Variants in JPH1 observed in about 807,000 individuals in gnomAD.
JPH1 encodes junctophilin-1.
A neutral mutation model predicts 53.6 loss-of-function variants in JPH1; 12 were observed. The ratio of observed to expected loss-of-function variants is 0.22; its 90% CI spans 0.14 to 0.36. The LOEUF is 0.36. Ranked by LOEUF, JPH1 falls within the 10% of genes least tolerant of loss-of-function variation. JPH1 has a pLI of 1.00. For missense variants in JPH1, 808 were observed against 905.5 expected, an observed-to-expected ratio of 0.89 and a Z score of 1.38; for synonymous variants, 375 against 363.8, an observed-to-expected ratio of 1.03 and a Z score of -0.35.
chr8:74,248,710 C>A (rs377091383), intron 3 of JPH1, among the ~76,000 whole-genome samples: 3 of 152,252 alleles, frequency 2.0e-5, no homozygotes, highest in Middle Eastern at 3.4e-3. Flanking sequence ...TAAAACAAGA[C>A]GTTTAATATA....
Position 74,315,655 on chromosome 8 carries a change from G to A in JPH1, c.380-35C>T, listed in dbSNP as rs769479469. ...ACCGCAAGAAAGCACCGTGAGTCGG[G>A]GGCAGAGCTGCACCGTCACCTGCAC... On this transcript the variant is annotated intron_variant, in intron 1 of 5. Transcript: ENST00000342232. This position sits in a 1 kb window ranked among gnomAD's most constrained non-coding sequence, Gnocchi z 6.3. 3 of 1,553,698 alleles carry A rather than the reference G, an allele frequency of 1.9e-6. No individual in the cohort carries two copies. The highest frequency in any genetic ancestry group is 2.6e-6 in the Non-Finnish European group (3 of 1,155,682).
Position 74,321,540 on chromosome 8 carries a change from G to A in JPH1, c.-253C>T, listed in dbSNP as rs920190696. The A allele has an allele frequency of 3.2e-5, 13 of 401,208 alleles. No individual in the cohort carries two copies. The highest frequency in any genetic ancestry group is 4.8e-5 in the Non-Finnish European group (11 of 229,526). The allele number at this position is 401,208 out of a possible 1,614,324, so 24.9% of individuals were successfully genotyped here. ...GCCTGGGCCAGCGCCGCGCGCGAGAGGACAGCCCAGGTTCCCGAGCGGACC... is the reference window on the plus strand; with the variant it reads ...GCCTGGGCCAGCGCCGCGCGCGAGAAGACAGCCCAGGTTCCCGAGCGGACC... On this transcript the variant is annotated 5_prime_UTR_variant, in exon 1 of 6. Coordinates refer to ENST00000342232, the MANE Select transcript of JPH1 (RefSeq NM_020647.4). The surrounding 1 kb of genome is among the most constrained non-coding windows in gnomAD (Gnocchi z 4.3).
At chr8:74,305,528 T>C (rs149214313) in intron 2 of JPH1, among the ~76,000 whole-genome samples, 271 of 152,366 alleles carry the variant, frequency 1.8e-3, no homozygotes, top group African/African-American at 6.3e-3. Flanking sequence ...GAAAGGGTCA[T>C]ATTTCAGGGC....
chr8:74,245,050 G>C lies in JPH1; in HGVS notation c.1384C>G (p.Pro462Ala). The change falls in exon 4 of 6, where the codon CCC (proline) becomes GCC (alanine). Residue 462 changes from proline to alanine, a missense_variant. Physicochemically the swap from Pro to Ala is conservative, Grantham distance 27. Coordinates refer to ENST00000342232, the MANE Select transcript of JPH1 (RefSeq NM_020647.4). ...GGACTTGCCTCAGGAGATCTTGGGG[G>C]TGTCGTGCCTTTGCGATAAAAATGA... ...SPHFYRKGTT[P>A]PRSPEASPKH... 1 of 1,613,928 alleles carries C rather than the reference G, an allele frequency of 6.2e-7. No individual in the cohort carries two copies. The highest frequency in any genetic ancestry group is 8.5e-7 in the Non-Finnish European group (1 of 1,180,000).
chr8:74,244,909 T>C lies in JPH1; in HGVS notation c.1525A>G (p.Ile509Val), dbSNP rs1271043598. The change falls in exon 4 of 6, where the codon ATT becomes GTT. Residue 509 changes from isoleucine to valine, a missense_variant. This residue lies in a region of JPH1 where 756 missense variants were observed against 811.9 expected (regional missense o/e 0.93). Coordinates refer to ENST00000342232, the MANE Select transcript of JPH1 (RefSeq NM_020647.4). ...TTTGACATCAAGGGCTTATTGACAA[T>C]GGCCGTCACCTGCTCATCAGCCACA... ...RSVADEQVTA[I>V]VNKPLMSKAP... 6.2e-7 allele frequency: 1 copy of C among 1,614,148 alleles called. No individual in the cohort carries two copies. The highest frequency in any genetic ancestry group is 8.5e-7 in the Non-Finnish European group (1 of 1,180,040).
chr8:74,242,709 T>C (rs1184751237), intron 4 of JPH1, among the ~76,000 whole-genome samples: 1 of 152,174 alleles, frequency 6.6e-6, no homozygotes, highest in East Asian at 1.9e-4. Context: ...GTCAAGTCGG[T>C]CTTGAATTTT....
intron 2 of JPH1, among the ~76,000 whole-genome samples, chr8:74,263,775 A>G (rs1563402018): frequency 6.6e-6 from 1 of 152,170 alleles, no homozygotes; most frequent in Non-Finnish European, 1.5e-5. Context: ...CCAAAAACAC[A>G]TTCCTGGGTT....
rs1335627994 is a variant in JPH1, at chr8:74,245,091, G to C, written c.1343C>G (p.Thr448Arg). 1 of 1,613,320 alleles carries C rather than the reference G, an allele frequency of 6.2e-7. No individual in the cohort carries two copies. The highest frequency in any genetic ancestry group is 8.5e-7 in the Non-Finnish European group (1 of 1,179,952). The change falls in exon 4 of 6, where the codon ACA becomes AGA. Residue 448 changes from threonine to arginine, a missense_variant. This residue lies in a region of JPH1 where 756 missense variants were observed against 811.9 expected (regional missense o/e 0.93). Transcript: ENST00000342232. ...PEEKVPEKPP[T>R]PKESPHFYRK... ...ATAAAAATGAGGAGACTCCTTTGGT[G>C]TAGGTGGCTTTTCTGGTACCTTTTC... is the stretch of plus-strand genomic sequence containing the variant.
intron 2 of JPH1, among the ~76,000 whole-genome samples, chr8:74,307,204 T>G (rs1005231): frequency 0.14 from 21,961 of 152,156 alleles, 3,200 homozygotes; most frequent in African/African-American, 0.38. Context: ...TCCCAGTTTG[T>G]CTTCTTGGTC....
At chr8:74,293,933 C>G (rs1242834788) in intron 2 of JPH1, among the ~76,000 whole-genome samples, 5 of 152,192 alleles carry the variant, frequency 3.3e-5, no homozygotes, top group African/African-American at 1.2e-4. Flanking sequence ...CAAGAGCCAG[C>G]AGCCCCTAGG....
intron 2 of JPH1, among the ~76,000 whole-genome samples, chr8:74,309,571 T>C (rs1807930744): frequency 6.6e-6 from 1 of 152,264 alleles, no homozygotes; most frequent in Non-Finnish European, 1.5e-5. Flanking sequence ...CTCAACCAAA[T>C]GCCTTAAGAT....
At chr8:74,300,027 TACTC>T (rs1302109056) in intron 2 of JPH1, among the ~76,000 whole-genome samples, 1 of 152,268 alleles carries the variant, frequency 6.6e-6, no homozygotes, top group African/African-American at 2.4e-5. Flanking sequence ...AGTGACTACT[TACTC>T]TAGAATCACA....
intron 2 of JPH1, among the ~76,000 whole-genome samples, chr8:74,311,088 G>C (rs922380798): frequency 2.0e-5 from 3 of 152,238 alleles, no homozygotes; most frequent in African/African-American, 7.2e-5. Flanking sequence ...ACCACACCCG[G>C]CTAATTTTCT....
chr8:74,246,304 C>T (rs1326858680), intron 3 of JPH1, among the ~76,000 whole-genome samples: 1 of 152,136 alleles, frequency 6.6e-6, no homozygotes, highest in Non-Finnish European at 1.5e-5. Flanking sequence ...CACAACACTG[C>T]ATCTGTTCAT....
intron 2 of JPH1, among the ~76,000 whole-genome samples, chr8:74,277,286 G>A (rs897105520): frequency 5.9e-5 from 9 of 152,124 alleles, no homozygotes; most frequent in Non-Finnish European, 7.3e-5. Context: ...CACTGCCCTC[G>A]GCATGTCCTT....
At chr8:74,243,423 A>C (rs370695462) in intron 4 of JPH1, among the ~76,000 whole-genome samples, 2 of 152,364 alleles carry the variant, frequency 1.3e-5, no homozygotes, top group East Asian at 3.9e-4. Flanking sequence ...AAAATTTGAA[A>C]AAAGAAGAGA....
At chr8:74,273,781 T>C (rs1412222749) in intron 2 of JPH1, among the ~76,000 whole-genome samples, 2 of 152,208 alleles carry the variant, frequency 1.3e-5, no homozygotes, top group Admixed American at 1.3e-4. Context: ...GCATTTTTAT[T>C]CAGTTTTTGA....
At chr8:74,313,302 C>T (rs967141430) in intron 2 of JPH1, among the ~76,000 whole-genome samples, 1 of 152,054 alleles carries the variant, frequency 6.6e-6, no homozygotes, top group Admixed American at 6.6e-5. Flanking sequence ...TATAAGCAAA[C>T]TGAAAAGCAA....
intron 2 of JPH1, among the ~76,000 whole-genome samples, chr8:74,263,518 T>C (rs1806451372): frequency 6.6e-6 from 1 of 152,226 alleles, no homozygotes; most frequent in African/African-American, 2.4e-5. Flanking sequence ...AACACCATTC[T>C]TGCAGTTGCT....
Sources: allele counts gnomAD v4.1 joint callset (sites outside exome capture counted in the v4.1 genomes callset), GRCh38; gene constraint gnomAD v4.1.1; regional missense constraint gnomAD v4.1.1; non-coding constraint Gnocchi (gnomAD v3.1); transcripts MANE v1.5; gene names NCBI Gene and HGNC (gene_info 2026-07-23, HGNC 2026-07-21).